The following C1orf54 variants were observed in gnomAD, a reference collection of about 807,000 sequenced individuals.
C1orf54 encodes the protein chromosome 1 open reading frame 54.
A neutral mutation model predicts 14.7 loss-of-function variants in C1orf54; 12 were observed. The observed-to-expected ratio is 0.82, with a 90% CI of 0.52 to 1.32. The LOEUF is 1.32. Among genes scored for constraint, C1orf54 ranks in the 40% most tolerant of loss-of-function variants. The pLI, the probability that C1orf54 is intolerant of heterozygous loss-of-function variation, is 0.00. For missense variants in C1orf54, 163 were observed against 162.2 expected, an observed-to-expected ratio of 1.00 and a Z score of -0.03; for synonymous variants, 65 against 56.3, an observed-to-expected ratio of 1.16 and a Z score of -0.70.
upstream of C1orf54, among the ~76,000 whole-genome samples, chr1:150,270,778 C>T (rs111644778): frequency 0.057 from 8,708 of 151,802 alleles, 693 homozygotes; most frequent in African/African-American, 0.16. Flanking sequence ...AGGCAGATCA[C>T]GAGGTCAGGA....
upstream of C1orf54, among the ~76,000 whole-genome samples, chr1:150,270,020 G>C (rs1553850957): frequency 2.0e-5 from 3 of 152,176 alleles, no homozygotes; most frequent in African/African-American, 7.2e-5. Flanking sequence ...CTGGGCAACG[G>C]AGTGAGGTTC....
upstream of C1orf54, chr1:150,269,009 C>G (rs1572091845): frequency 5.6e-6 from 3 of 533,040 alleles, no homozygotes; most frequent in South Asian, 4.2e-5. Flanking sequence ...TCTACGGAAG[C>G]CGAAGAGGGG....
chr1:150,278,800 G>A (rs1381282628), intron 4 of C1orf54, among the ~76,000 whole-genome samples: 2 of 152,186 alleles, frequency 1.3e-5, no homozygotes, highest in African/African-American at 4.8e-5. Context: ...AGTACATTAT[G>A]AGGAAAGGGA....
upstream of C1orf54, among the ~76,000 whole-genome samples, chr1:150,271,275 G>C (rs1369008086): frequency 1.3e-5 from 2 of 152,048 alleles, no homozygotes; most frequent in African/African-American, 4.8e-5. Context: ...ACCAAGCCCA[G>C]CTAATTTTTG....
chr1:150,279,828 A>G, intron 5 of C1orf54, 87 bp downstream of exon 5: 1 of 1,123,462 alleles, frequency 8.9e-7, no homozygotes, highest in Admixed American at 2.1e-5. Flanking sequence ...TCTTACCAGT[A>G]TCTCTAGTTA....
Position 150,279,745 on chromosome 1 carries a change from A to C in C1orf54, c.*3+4A>C, listed in dbSNP as rs371106619. The C allele has an allele frequency of 5.6e-6, 9 of 1,606,658 alleles. No individual in the cohort carries two copies. Among genetic ancestry groups the C allele is most frequent in the Non-Finnish European group, 7.7e-6 (9 of 1,174,646 alleles). ...GGGGATGTATTTCATGTAGAAGGTA[A>C]GAGTGCAGCCACTGGCTTTGGGGGA... On this transcript the variant is annotated splice_donor_region_variant and intron_variant, in intron 5 of 5. Transcript: ENST00000369099.
intron 4 of C1orf54, 93 bp downstream of exon 4, chr1:150,276,725 T>C: frequency 1.0e-6 from 1 of 999,594 alleles, no homozygotes; most frequent in Non-Finnish European, 1.6e-6. Context: ...CTTTGGTGGA[T>C]GGGAGAACCA....
upstream of C1orf54, chr1:150,268,856 A>G (rs1014621406): frequency 1.9e-6 from 3 of 1,544,860 alleles, no homozygotes; most frequent in Middle Eastern, 1.7e-4. Flanking sequence ...CAGGACAGGC[A>G]AATGGGAGGG....
rs782693323 is a variant in C1orf54 at position 150,280,856 on chromosome 1, T to C, written c.*25T>C. The C allele has an allele frequency of 2.6e-6, 4 of 1,550,280 alleles. No homozygotes were observed. The South Asian group carries it at 4.8e-5, about 18-fold the overall frequency. On this transcript the variant is annotated 3_prime_UTR_variant, in exon 6 of 6. Transcript: ENST00000369099. ...TTAGGTGGAAGAAGGCTGCTATGAC[T>C]CTTTGGATGGGAGTCTGGCAAGAGG...
chr1:150,268,815 G>T, upstream of C1orf54: 2 of 1,610,534 alleles, frequency 1.2e-6, no homozygotes, highest in South Asian at 1.1e-5. Context: ...CCCCATGGCT[G>T]GTCAGGTGGG....
upstream of C1orf54, chr1:150,272,721 C>A: frequency 7.7e-7 from 1 of 1,296,106 alleles, no homozygotes; most frequent in Non-Finnish European, 1.1e-6. Context: ...GCTGCAGCTC[C>A]TTCCCTGCTT....
chr1:150,279,587 A>G (rs1165789896), intron 4 of C1orf54, 56 bp from the exon 5 acceptor site: 17 of 1,486,052 alleles, frequency 1.1e-5, no homozygotes, highest in African/African-American at 2.8e-5. Context: ...GGGGACAGAG[A>G]AGTGGTAGGA....
chr1:150,280,370 G>C (rs1310053356), intron 5 of C1orf54, among the ~76,000 whole-genome samples: 3 of 152,246 alleles, frequency 2.0e-5, no homozygotes, highest in Non-Finnish European at 4.4e-5. Flanking sequence ...GGATCTCCTA[G>C]AGCAGATAGA....
upstream of C1orf54, among the ~76,000 whole-genome samples, chr1:150,270,748 G>A (rs1349057391): frequency 1.3e-5 from 2 of 152,090 alleles, no homozygotes; most frequent in African/African-American, 4.8e-5. Flanking sequence ...TGTAATCCCA[G>A]CACTTTGGGA....
At chr1:150,273,988 A>G (rs1652422901) in intron 1 of C1orf54, 99 bp from the exon 2 acceptor site, 2 of 759,700 alleles carry the variant, frequency 2.6e-6, no homozygotes, top group Non-Finnish European at 4.6e-6. Context: ...AAAAGAAAGA[A>G]AGAGCAAGAA....
Position 150,275,030 on chromosome 1 carries a change from C to T in C1orf54, c.131-711C>T, listed in dbSNP as rs972974055. ...TGGACATCATAGCAAGACCTTGTCTCTATAGAAAAAAAAATTTTTTTTTTT... is the reference window on the plus strand; with the variant it reads ...TGGACATCATAGCAAGACCTTGTCTTTATAGAAAAAAAAATTTTTTTTTTT... On this transcript the variant is annotated intron_variant, in intron 2 of 5. Coordinates refer to ENST00000369099, the MANE Select transcript of C1orf54 (RefSeq NM_024579.4). Among the ~76,000 whole-genome samples the T allele has an allele frequency of 3.5e-5, 4 of 114,622 alleles. No homozygotes were observed. The South Asian group carries it at 1.3e-3, about 37-fold the overall frequency. 75.2% of individuals were successfully genotyped at this position (114,622 alleles called of 152,430 possible).
upstream of C1orf54, chr1:150,269,105 G>A: frequency 8.8e-6 from 3 of 340,582 alleles, no homozygotes; most frequent in South Asian, 2.8e-5. Context: ...GGGCGGAGCT[G>A]CTCGACCTGC....
At chr1:150,271,474 G>T (rs1271764081), upstream of C1orf54, among the ~76,000 whole-genome samples, 5 of 152,200 alleles carry the variant, frequency 3.3e-5, no homozygotes, top group African/African-American at 4.8e-5. Context: ...AACCTATCTT[G>T]TTCATGGGTG....
upstream of C1orf54, chr1:150,268,823 G>T: frequency 6.2e-7 from 1 of 1,607,010 alleles, no homozygotes; most frequent in South Asian, 1.1e-5. Context: ...CTGGTCAGGT[G>T]GGAAGGGGGG....
Sources: allele counts gnomAD v4.1 joint callset (sites outside exome capture counted in the v4.1 genomes callset), GRCh38; gene constraint gnomAD v4.1.1; transcripts MANE v1.5; gene names NCBI Gene and HGNC (gene_info 2026-07-23, HGNC 2026-07-21).